Variants in ZNF718 observed in about 807,000 individuals in gnomAD.
The protein encoded by ZNF718 is zinc finger protein 718.
ZNF718 carries 3 observed loss-of-function variants against 2.6 expected under a neutral mutation model. The observed-to-expected ratio is 1.16, with a 90% CI of 0.53 to 3.01. The LOEUF is 3.01. Ranked by LOEUF, ZNF718 falls within the 30% of genes most tolerant of loss-of-function variation. The pLI, the probability that ZNF718 is intolerant of heterozygous loss-of-function variation, is 0.03. For synonymous variants in ZNF718, 135 were observed against 77.9 expected, an observed-to-expected ratio of 1.73 and a Z score of -3.86; for missense variants, 468 against 230.0, an observed-to-expected ratio of 2.03 and a Z score of -6.69.
intron 3 of ZNF718, among the ~76,000 whole-genome samples, chr4:193,662 C>T (rs543827689): frequency 4.6e-5 from 7 of 151,948 alleles, no homozygotes; most frequent in East Asian, 1.9e-4. Flanking sequence ...GACAGTTGTC[C>T]GGGAGAGGAG....
chr4:177,705 A>G (rs1453726366), intron 3 of ZNF718, among the ~76,000 whole-genome samples: 2 of 152,196 alleles, frequency 1.3e-5, no homozygotes, highest in African/African-American at 2.4e-5. Context: ...ACTGCAAGTC[A>G]AACCTGAGAG....
chr4:157,666 TCTA>T (rs1418731222), intron 3 of ZNF718, among the ~76,000 whole-genome samples: 2 of 152,188 alleles, frequency 1.3e-5, no homozygotes, highest in African/African-American at 4.8e-5. Context: ...GTTTTTTTAT[TCTA>T]CTCTCTTTCC....
chr4:178,386 A>T (rs1581477556), intron 3 of ZNF718, among the ~76,000 whole-genome samples: 1 of 151,628 alleles, frequency 6.6e-6, no homozygotes, highest in South Asian at 2.1e-4. Flanking sequence ...TAATTCTCTC[A>T]CCTCAGCCTC....
At chr4:179,986 A>G (rs532413649) in intron 3 of ZNF718, among the ~76,000 whole-genome samples, 2 of 152,206 alleles carry the variant, frequency 1.3e-5, no homozygotes, top group Non-Finnish European at 2.9e-5. Context: ...AGGGAGAGAA[A>G]AAGAAACAAA....
chr4:149,323 T>G (rs1193799303), intron 3 of ZNF718, among the ~76,000 whole-genome samples: 3 of 152,208 alleles, frequency 2.0e-5, no homozygotes, highest in African/African-American at 7.2e-5. Context: ...TGCCAAAGAT[T>G]CAAAATCCCG....
At chr4:188,610 G>A (rs1553820723) in intron 3 of ZNF718, among the ~76,000 whole-genome samples, 1 of 152,222 alleles carries the variant, frequency 6.6e-6, no homozygotes. Flanking sequence ...GGACTGAAGT[G>A]TGTAAAGCTC....
chr4:136,694 A>G (rs1715587454), intron 3 of ZNF718, among the ~76,000 whole-genome samples: 2 of 152,120 alleles, frequency 1.3e-5, no homozygotes, highest in Admixed American at 6.5e-5. Flanking sequence ...GGAATCATAC[A>G]CTGTCACTTT....
In ZNF718 at chr4:161,105, A is replaced by G. The variant is rs9684215; in HGVS notation, c.420A>G (p.Lys140=). The change falls in exon 4 of 4, where the codon AAA becomes AAG. Residue 140 remains lysine (K), a synonymous_variant. Transcript: ENST00000510175. The part of the protein sequence containing the change: ...RINQCLLTTQ[K]KTIQSNICVK... ...ACCAATGCTTATTAACTACCCAGAA[A>G]AAAACAATTCAATCTAATATATGTG... The G allele has an allele frequency of 3.9e-6, 3 of 768,652 alleles. No individual in the cohort carries two copies. Among genetic ancestry groups the G allele is most frequent in the Non-Finnish European group, 7.3e-6 (3 of 411,338 alleles). 47.6% of individuals were successfully genotyped at this position (768,652 alleles called of 1,614,324 possible). A position where few individuals can be genotyped will look rare whatever the true frequency, so the allele number is the denominator to read the frequency against.
intron 3 of ZNF718, among the ~76,000 whole-genome samples, chr4:171,522 C>T (rs1292973740): frequency 3.3e-5 from 5 of 152,114 alleles, no homozygotes; most frequent in African/African-American, 1.2e-4. Context: ...GCTTTGTTTA[C>T]CCCCTCAAGC....
chr4:175,057 G>T (rs1717320402), intron 3 of ZNF718, among the ~76,000 whole-genome samples: 1 of 152,124 alleles, frequency 6.6e-6, no homozygotes, highest in South Asian at 2.1e-4. Context: ...TAGTTTTATT[G>T]AAATCCTATA....
intron 3 of ZNF718, among the ~76,000 whole-genome samples, chr4:183,337 C>CT (rs1553820075): frequency 6.6e-6 from 1 of 152,100 alleles, no homozygotes; most frequent in East Asian, 1.9e-4. Context: ...TATGGGTTCT[C>CT]TATTCTGTTC....
At chr4:150,084 T>G (rs1716249612) in intron 3 of ZNF718, 1 of 152,132 alleles carries the variant, frequency 6.6e-6, no homozygotes, top group African/African-American at 2.4e-5. Flanking sequence ...TTTGACTAAT[T>G]TTTATATTCT....
rs998195087 is a variant in ZNF718 at position 162,176 on chromosome 4, A to G, written c.*54A>G. 4.7e-6 allele frequency: 3 copies of G among 635,256 alleles called. No homozygotes were observed. Among genetic ancestry groups the G allele is most frequent in the African/African-American group, 1.8e-5 (1 of 55,052 alleles). The allele number at this position is 635,256 out of a possible 1,614,324, so 39.4% of individuals were successfully genotyped here. On this transcript the variant is annotated 3_prime_UTR_variant, in exon 4 of 4. Transcript: ENST00000510175. Reference sequence around the variant, plus strand: ...TCTTCCTCAGTCTTTTCTAATCATAATTCATACTGGAGAGAAACTCTACAC... The same window carrying G: ...TCTTCCTCAGTCTTTTCTAATCATAGTTCATACTGGAGAGAAACTCTACAC...
chr4:190,099 A>G (rs1717661743), intron 3 of ZNF718, among the ~76,000 whole-genome samples: 1 of 152,090 alleles, frequency 6.6e-6, no homozygotes, highest in Non-Finnish European at 1.5e-5. Context: ...TGCTTTTAGT[A>G]TCACAGTACT....
Position 163,164 on chromosome 4 carries a change from T to C in ZNF718, c.*1042T>C, listed in dbSNP as rs1716974293. Reference sequence around the variant, plus strand: ...TTGCATCAGAGGTATGAGTGATTCTTTTTAGGTGGGCATCATTCATGAACT... The same window carrying C: ...TTGCATCAGAGGTATGAGTGATTCTCTTTAGGTGGGCATCATTCATGAACT... On this transcript the variant is annotated 3_prime_UTR_variant, in exon 4 of 4. Coordinates refer to ENST00000510175, the MANE Select transcript of ZNF718 (RefSeq NM_001039127.6). 1 of 152,150 alleles carries C rather than the reference T, an allele frequency of 6.6e-6. No individual in the cohort carries two copies. Among genetic ancestry groups the C allele is most frequent in the African/African-American group, 2.4e-5 (1 of 41,434 alleles). The allele number at this position is 152,150 out of a possible 1,614,324, so 9.4% of individuals were successfully genotyped here.
At chr4:151,456 TG>T (rs1716318435) in intron 3 of ZNF718, among the ~76,000 whole-genome samples, 1 of 102,820 alleles carries the variant, frequency 9.7e-6, no homozygotes, top group African/African-American at 3.9e-5. Flanking sequence ...ACTGGAGTAA[TG>T]TTTTTTTGTT....
intron 3 of ZNF718, among the ~76,000 whole-genome samples, chr4:181,853 TC>T (rs1717471730): frequency 6.6e-6 from 1 of 152,052 alleles, no homozygotes; most frequent in Non-Finnish European, 1.5e-5. Context: ...TGTGTGTTTT[TC>T]CCCCCATGTG....
At chr4:190,152 C>CG (rs1438799636) in intron 3 of ZNF718, among the ~76,000 whole-genome samples, 2 of 151,932 alleles carry the variant, frequency 1.3e-5, no homozygotes, top group Non-Finnish European at 2.9e-5. Context: ...TGTTCTAGGC[C>CG]GGGTGCGGTG....
At position 163,817 on chromosome 4, in the gene ZNF718, TGAA is replaced by T. The variant is rs1717013943; in HGVS notation, c.*1699_*1701del. 6.6e-6 allele frequency: 1 copy of T among 152,168 alleles called. No individual in the cohort carries two copies. Among genetic ancestry groups the T allele is most frequent in the Non-Finnish European group, 1.5e-5 (1 of 67,978 alleles). 9.4% of individuals were successfully genotyped at this position (152,168 alleles called of 1,614,324 possible). A position where few individuals can be genotyped will look rare whatever the true frequency, so the allele number is the denominator to read the frequency against. On this transcript the variant is annotated 3_prime_UTR_variant, in exon 4 of 4. Transcript: ENST00000510175. The stretch of plus-strand genomic sequence containing the variant: ...CAGTGGCTTTAAACAGCAAATAAGT[TGAA>T]GAATATTGTTCTCATGTTAAATTTT...
Sources: gnomAD v4.1 joint callset for allele counts (sites outside exome capture counted in the v4.1 genomes callset) on GRCh38, gnomAD v4.1.1 for gene constraint, MANE v1.5 for transcripts, NCBI Gene and HGNC (gene_info 2026-07-23, HGNC 2026-07-21) for gene names.